Variants in KIZ observed in about 807,000 individuals in gnomAD.
The protein encoded by KIZ is kizuna centrosomal protein.
A neutral mutation model predicts 79.6 loss-of-function variants in KIZ; 68 were observed. The observed-to-expected ratio is 0.85, with a 90% CI of 0.70 to 1.05. The LOEUF is 1.05. Among genes scored for constraint, KIZ ranks in the 50% least tolerant of loss-of-function variants. The pLI, the probability that KIZ is intolerant of heterozygous loss-of-function variation, is 0.00. For synonymous variants in KIZ, 280 were observed against 281.8 expected (o/e 0.99, Z 0.06); for missense variants, 797 against 800.4 (o/e 1.00, Z 0.05).
In KIZ at chr20:21,126,144, C is replaced by G. The variant is rs1237815807; in HGVS notation, c.29C>G (p.Pro10Arg). Residue 10 changes from proline to arginine, a missense_variant, in exon 1 of 13, where the codon CCC becomes CGC. Coordinates refer to ENST00000619189, the MANE Select transcript of KIZ (RefSeq NM_018474.6). ...AGCCGGACCCTCGCATCGGCCGTGC[C>G]CCTGTCGAGTCCCGACTACTACGAG... MSRTLASAVPLSSPDYYERL... is the reference protein window; with the variant it reads MSRTLASAVRLSSPDYYERL... The G allele has an allele frequency of 6.6e-7, 1 of 1,514,926 alleles. No individual in the cohort carries two copies. The highest frequency in any genetic ancestry group is 2.1e-5 in the Admixed American group (1 of 47,832). The allele number at this position is 1,514,926 out of a possible 1,614,324, so 93.8% of individuals were successfully genotyped here. A position where few individuals can be genotyped will look rare whatever the true frequency, so the allele number is the denominator to read the frequency against.
At chr20:21,182,827 T>C (rs1304886013) in intron 6 of KIZ, among the ~76,000 whole-genome samples, 3 of 141,024 alleles carry the variant, frequency 2.1e-5, no homozygotes, top group African/African-American at 5.3e-5. Context: ...AAAGACCAAA[T>C]AGTAAATATT....
In KIZ at chr20:21,126,082, A is replaced by C; in HGVS notation, c.-34A>C. 6.7e-7 allele frequency: 1 copy of C among 1,495,232 alleles called. No individual in the cohort carries two copies. Among genetic ancestry groups the C allele is most frequent in the Non-Finnish European group, 8.9e-7 (1 of 1,124,370 alleles). 92.6% of individuals were successfully genotyped at this position (1,495,232 alleles called of 1,614,324 possible). A position where few individuals can be genotyped will look rare whatever the true frequency, so the allele number is the denominator to read the frequency against. ...GGCAACCCCGGCCGAACGGCCACCC[A>C]GAGGCTGTGCTGAGCTGGCGCAGCG... On this transcript the variant is annotated 5_prime_UTR_variant, in exon 1 of 13. Transcript: ENST00000619189.
chr20:21,215,710 C>T, intron 9 of KIZ, 62 bp downstream of exon 9: 2 of 1,149,120 alleles, frequency 1.7e-6, no homozygotes, highest in Non-Finnish European at 2.5e-6. Flanking sequence ...ATAAGCGGAA[C>T]ATTTTGGGTC....
intron 2 of KIZ, 43 bp downstream of exon 2, chr20:21,132,202 A>G (rs1349085078): frequency 2.2e-6 from 2 of 921,774 alleles, no homozygotes; most frequent in Non-Finnish European, 3.3e-6. Context: ...CAGGTTCCAT[A>G]TATTAATCAA....
At chr20:21,170,988 G>A (rs534339548) in intron 6 of KIZ, among the ~76,000 whole-genome samples, 84 of 152,276 alleles carry the variant, frequency 5.5e-4, no homozygotes, top group Non-Finnish European at 9.9e-4. Context: ...GTAAGTCTAT[G>A]GTTACCTTTG....
At chr20:21,204,350 C>T (rs907000798) in intron 6 of KIZ, among the ~76,000 whole-genome samples, 5 of 151,712 alleles carry the variant, frequency 3.3e-5, no homozygotes, top group East Asian at 1.9e-4. Context: ...CTCCTGACCT[C>T]GTGATCCGCC....
chr20:21,138,536 T>C (rs1265486937), intron 3 of KIZ, among the ~76,000 whole-genome samples: 1 of 152,228 alleles, frequency 6.6e-6, no homozygotes, highest in African/African-American at 2.4e-5. Flanking sequence ...TTTTAATTAA[T>C]TTTAATTTAA....
At position 21,246,546 on chromosome 20, in the gene KIZ, C is replaced by T; in HGVS notation, c.1992C>T (p.Asn664=). 3.1e-6 allele frequency: 5 copies of T among 1,609,130 alleles called. No individual in the cohort carries two copies. Among genetic ancestry groups the T allele is most frequent in the Non-Finnish European group, 4.3e-6 (5 of 1,175,726 alleles). Residue 664 remains asparagine (N), a synonymous_variant, in exon 13 of 13, where the codon AAC becomes AAT. Transcript: ENST00000619189. ...CTGCTTTACGCCCCAGAAACCATAA[C>T]ACCGATGATTCTGATGATTTTTATG... ...IEAALRPRNH[N]TDDSDDFYD
At chr20:21,210,328 A>C (rs1225591397) in intron 7 of KIZ, among the ~76,000 whole-genome samples, 2 of 151,754 alleles carry the variant, frequency 1.3e-5, no homozygotes, top group African/African-American at 4.9e-5. Context: ...AATAATGACT[A>C]ATATATTGAA....
intron 11 of KIZ, among the ~76,000 whole-genome samples, chr20:21,239,607 G>C (rs1013004110): frequency 5.3e-5 from 8 of 152,248 alleles, no homozygotes; most frequent in Admixed American, 3.9e-4. Context: ...AAAACCTATT[G>C]TCAGTAATTC....
intron 11 of KIZ, among the ~76,000 whole-genome samples, chr20:21,240,359 A>G (rs544299542): frequency 3.0e-4 from 45 of 152,332 alleles, no homozygotes; most frequent in South Asian, 2.5e-3. Context: ...TCCTGACCTC[A>G]GGTGATCACC....
rs114460512 is a variant in KIZ at position 21,135,895 on chromosome 20, G to A, written c.153-495G>A. Among the ~76,000 whole-genome samples, 575 of 152,154 alleles carry A rather than the reference G, an allele frequency of 3.8e-3. 2 individuals are homozygous for A. The highest frequency in any genetic ancestry group is 0.013 in the African/African-American group (552 of 41,510). On this transcript the variant is annotated intron_variant, in intron 2 of 12. Transcript: ENST00000619189. ...ATTATATTGTAGCAATTTCTAACAAGTATGTTTATATTATCTAAATGAGAG... is the reference window on the plus strand; with the variant it reads ...ATTATATTGTAGCAATTTCTAACAAATATGTTTATATTATCTAAATGAGAG...
chr20:21,132,195 G>GT (rs1475717801), intron 2 of KIZ, 36 bp downstream of exon 2: 3 of 999,988 alleles, frequency 3.0e-6, no homozygotes, highest in Non-Finnish European at 4.5e-6. Context: ...TTCAAGCCAG[G>GT]TTCCATATAT....
At chr20:21,182,633 TA>T (rs1281987689) in intron 6 of KIZ, among the ~76,000 whole-genome samples, 5 of 152,020 alleles carry the variant, frequency 3.3e-5, no homozygotes, top group South Asian at 2.1e-4. Context: ...CTATCTCTAC[TA>T]AAAATACCAA....
intron 6 of KIZ, among the ~76,000 whole-genome samples, chr20:21,200,775 C>G (rs1255669785): frequency 6.6e-6 from 1 of 152,072 alleles, no homozygotes; most frequent in Admixed American, 6.5e-5. Flanking sequence ...GACCCCTGCT[C>G]TAGAAGATAA....
intron 3 of KIZ, chr20:21,144,290 A>G (rs947071621): frequency 1.3e-5 from 2 of 152,192 alleles, no homozygotes; most frequent in Admixed American, 6.5e-5. Context: ...AGAAAAAAGA[A>G]TTTTTATTTA....
At chr20:21,126,716 G>A (rs1199592724) in intron 1 of KIZ, among the ~76,000 whole-genome samples, 3 of 152,144 alleles carry the variant, frequency 2.0e-5, no homozygotes, top group Non-Finnish European at 4.4e-5. Flanking sequence ...AGCGAGGGCT[G>A]GCTAGATTTC....
intron 11 of KIZ, among the ~76,000 whole-genome samples, chr20:21,236,624 A>G (rs1322493324): frequency 3.9e-5 from 6 of 152,106 alleles, no homozygotes; most frequent in African/African-American, 7.2e-5. Context: ...GCCACACTCA[A>G]TTGGTGAGGC....
intron 7 of KIZ, among the ~76,000 whole-genome samples, chr20:21,208,827 C>T (rs578242582): frequency 6.6e-6 from 1 of 152,002 alleles, no homozygotes; most frequent in Non-Finnish European, 1.5e-5. Context: ...AACTGAAGGA[C>T]AAAATGCTTT....
Sources: gnomAD v4.1 joint callset for allele counts (sites outside exome capture counted in the v4.1 genomes callset) on GRCh38, gnomAD v4.1.1 for gene constraint, MANE v1.5 for transcripts, NCBI Gene and HGNC (gene_info 2026-07-23, HGNC 2026-07-21) for gene names.